The following CD38 variants were observed in gnomAD, a reference collection of about 807,000 sequenced individuals.
CD38 encodes ADP-ribosyl cyclase/cyclic ADP-ribose hydrolase 1.
A neutral mutation model predicts 36.3 loss-of-function variants in CD38; 31 were observed. The ratio of observed to expected loss-of-function variants is 0.85; its 90% confidence interval spans 0.64 to 1.15. CD38 has a LOEUF of 1.15. CD38 is among the 50% of genes most tolerant of loss of function. The probability of loss-of-function intolerance (pLI) is 0.00; values close to 1 mark genes in which losing one functional copy is unlikely to be tolerated. For synonymous variants in CD38, 131 were observed against 135.2 expected (o/e 0.97, Z 0.22); for missense variants, 380 against 371.9 (o/e 1.02, Z -0.18).
Position 15,834,284 on chromosome 4 carries a change from G to C in CD38, c.567G>C (p.Trp189Cys). The C allele has an allele frequency of 6.2e-7, 1 of 1,612,084 alleles. No homozygotes were observed. The highest frequency in any genetic ancestry group is 8.5e-7 in the Non-Finnish European group (1 of 1,178,094). Residue 189 changes from tryptophan (W) to cysteine (C), a missense_variant, in exon 4 of 8, where the codon TGG (tryptophan) becomes TGC (cysteine). Trp to Cys is a radical substitution (Grantham distance 215). Transcript: ENST00000226279. The part of the protein sequence containing the change: ...DCSNNPVSVF[W>C]KTVSRRFAEA... Reference sequence around the variant, plus strand: ...GCAACAACCCTGTTTCAGTATTCTGGAAAACGGTTTCCCGCAGGGTAAGTA... The same window carrying C: ...GCAACAACCCTGTTTCAGTATTCTGCAAAACGGTTTCCCGCAGGGTAAGTA...
chr4:15,806,685 C>G (rs1723348326), intron 1 of CD38, among the ~76,000 whole-genome samples: 1 of 152,128 alleles, frequency 6.6e-6, no homozygotes, highest in South Asian at 2.1e-4. Flanking sequence ...GAATGATGTA[C>G]AGGGCGATAG....
At chr4:15,788,273 C>A (rs1445343028) in intron 1 of CD38, among the ~76,000 whole-genome samples, 1 of 152,168 alleles carries the variant, frequency 6.6e-6, no homozygotes, top group Admixed American at 6.5e-5. Context: ...ATCTTCCACC[C>A]AGTGCACCAT....
intron 1 of CD38, among the ~76,000 whole-genome samples, chr4:15,805,847 GAATT>G (rs1723329733): frequency 6.6e-6 from 1 of 152,168 alleles, no homozygotes; most frequent in African/African-American, 2.4e-5. Flanking sequence ...TCAAATTTGA[GAATT>G]AATAGCTGAG....
Position 15,838,088 on chromosome 4 carries a change from T to C in CD38, c.586-4T>C, listed in dbSNP as rs752804349. 4.7e-5 allele frequency: 76 copies of C among 1,609,822 alleles called. No individual in the cohort carries two copies. The Admixed American group carries it at 1.3e-3, about 27-fold the overall frequency. ...GATGAATGGTGGGCATTTTTTTTTT[T>C]AAGTTTGCAGAAGCTGCCTGTGATG... On this transcript the variant is annotated splice_region_variant and splice_polypyrimidine_tract_variant and intron_variant, in intron 4 of 7. Transcript: ENST00000226279.
At chr4:15,805,500 A>T (rs1267476733) in intron 1 of CD38, among the ~76,000 whole-genome samples, 3 of 152,126 alleles carry the variant, frequency 2.0e-5, no homozygotes, top group African/African-American at 7.2e-5. Flanking sequence ...AGAACTCATA[A>T]ATTTCTAGCA....
chr4:15,835,156 T>A (rs1408200514), intron 4 of CD38, among the ~76,000 whole-genome samples: 1 of 152,042 alleles, frequency 6.6e-6, no homozygotes. Flanking sequence ...TTTGTATCTT[T>A]TAACAAATCT....
chr4:15,819,368 A>T (rs1012279735), intron 2 of CD38, among the ~76,000 whole-genome samples: 6 of 142,546 alleles, frequency 4.2e-5, no homozygotes, highest in African/African-American at 1.0e-4. Context: ...ACCCAATGTT[A>T]AAAAAAAAAA....
At chr4:15,826,497 A>ACC (rs1491041637) in intron 3 of CD38, among the ~76,000 whole-genome samples, 1 of 149,444 alleles carries the variant, frequency 6.7e-6, no homozygotes, top group Non-Finnish European at 1.5e-5. Context: ...ACACACACAC[A>ACC]CCTGCATACT....
chr4:15,833,126 G>A (rs903269836), intron 3 of CD38, among the ~76,000 whole-genome samples: 1 of 152,028 alleles, frequency 6.6e-6, no homozygotes, highest in Non-Finnish European at 1.5e-5. Context: ...CAAAGCAGTG[G>A]GCTCCCCTCT....
intron 1 of CD38, among the ~76,000 whole-genome samples, chr4:15,783,456 G>C (rs551766436): frequency 7.9e-4 from 121 of 152,334 alleles, no homozygotes; most frequent in Non-Finnish European, 1.2e-3. Flanking sequence ...GCAGGGATGG[G>C]AGCAGGCATT....
At chr4:15,800,012 A>G (rs1423863767) in intron 1 of CD38, among the ~76,000 whole-genome samples, 2 of 152,238 alleles carry the variant, frequency 1.3e-5, no homozygotes, top group Admixed American at 1.3e-4. Context: ...AGCTAAAAGC[A>G]GACTCGGGGG....
At chr4:15,816,405 G>A in intron 1 of CD38, 106 bp from the exon 2 acceptor site, 1 of 874,160 alleles carries the variant, frequency 1.1e-6, no homozygotes, top group East Asian at 2.8e-5. Context: ...TGAACTACCT[G>A]GCATATAATA....
intron 1 of CD38, among the ~76,000 whole-genome samples, chr4:15,800,714 A>G (rs945272772): frequency 7.2e-5 from 11 of 152,194 alleles, no homozygotes; most frequent in African/African-American, 2.7e-4. Context: ...AAATAAAAAA[A>G]CTTACTGAAA....
intron 2 of CD38, among the ~76,000 whole-genome samples, chr4:15,821,391 G>T (rs2148923517): frequency 6.6e-6 from 1 of 151,646 alleles, no homozygotes; most frequent in South Asian, 2.1e-4. Context: ...AAAAAAAAAT[G>T]AATGCAGGAG....
intron 1 of CD38, among the ~76,000 whole-genome samples, chr4:15,794,550 T>C (rs1344711865): frequency 6.6e-6 from 1 of 152,088 alleles, no homozygotes; most frequent in Non-Finnish European, 1.5e-5. Flanking sequence ...AAGATGAAGA[T>C]TGGAAATTGA....
In CD38 at chr4:15,840,445, T is replaced by G; in HGVS notation, c.753-7T>G. 6.4e-7 allele frequency: 1 copy of G among 1,557,848 alleles called. No individual in the cohort carries two copies. Among genetic ancestry groups the G allele is most frequent in the Non-Finnish European group, 8.8e-7 (1 of 1,138,698 alleles). On this transcript the variant is annotated splice_polypyrimidine_tract_variant and splice_region_variant and intron_variant, in intron 6 of 7. Coordinates refer to ENST00000226279, the MANE Select transcript of CD38 (RefSeq NM_001775.4). ...GTAATTTTAATACTTTCTTCTTTCT[T>G]CCCCAGAGACTTATGCCAGGATCCC...
intron 1 of CD38, among the ~76,000 whole-genome samples, chr4:15,787,969 A>G (rs1241566347): frequency 6.6e-6 from 1 of 152,212 alleles, no homozygotes; most frequent in African/African-American, 2.4e-5. Context: ...ACTCCCCTAC[A>G]TTCCCTTGTA....
chr4:15,795,945 A>G (rs778784743), intron 1 of CD38, among the ~76,000 whole-genome samples: 5 of 152,148 alleles, frequency 3.3e-5, no homozygotes, highest in Non-Finnish European at 5.9e-5. Context: ...TCTTATGACT[A>G]TCAAGCAAAT....
intron 1 of CD38, among the ~76,000 whole-genome samples, chr4:15,790,639 C>T (rs1199361126): frequency 2.6e-5 from 4 of 151,856 alleles, no homozygotes; most frequent in East Asian, 3.9e-4. Context: ...GGCCCCCCAT[C>T]GTCTGGGATA....
Sources: allele counts gnomAD v4.1 joint callset (sites outside exome capture counted in the v4.1 genomes callset), GRCh38; gene constraint gnomAD v4.1.1; transcripts MANE v1.5; gene names NCBI Gene and HGNC (gene_info 2026-07-23, HGNC 2026-07-21).